The following RGS9 variants were observed in gnomAD, a reference collection of about 807,000 sequenced individuals.
The protein encoded by RGS9 is regulator of G protein signaling 9.
A neutral mutation model predicts 102.0 loss-of-function variants in RGS9; 78 were observed. That is an observed-to-expected ratio of 0.76 (90% CI 0.64 to 0.92). The LOEUF is 0.92. Ranked by LOEUF, RGS9 falls within the 40% of genes least tolerant of loss-of-function variation. RGS9 has a pLI of 0.00. For missense variants in RGS9, 833 were observed against 866.1 expected (o/e 0.96, Z 0.48); for synonymous variants, 353 against 318.6 (o/e 1.11, Z -1.15).
intron 1 of RGS9, among the ~76,000 whole-genome samples, chr17:65,148,538 G>T (rs2143963881): frequency 6.6e-6 from 1 of 152,268 alleles, no homozygotes; most frequent in South Asian, 2.1e-4. Context: ...TACCAACAGT[G>T]CACAGGGTTC....
rs1912964523 is a variant in RGS9, at chr17:65,204,292, C to T, written c.1194C>T (p.Leu398=). Residue 398 remains leucine, a synonymous_variant, in exon 15 of 19, where the codon CTC becomes CTT. Transcript: ENST00000262406. ...CCGCACAAACCCACATTTACATGCT[C>T]ATGAAGAAGGTAGGTGGGTCCGTGC... ...LDAAQTHIYM[L]MKKDSYARYL... 1 of 1,613,740 alleles carries T rather than the reference C, an allele frequency of 6.2e-7. No individual in the cohort carries two copies. The highest frequency in any genetic ancestry group is 1.7e-5 in the Admixed American group (1 of 60,008).
intron 16 of RGS9, among the ~76,000 whole-genome samples, chr17:65,208,699 T>C (rs1042959070): frequency 6.6e-6 from 1 of 152,200 alleles, no homozygotes; most frequent in Non-Finnish European, 1.5e-5. Flanking sequence ...CAGAGGTTTT[T>C]CCACTGGCAA....
chr17:65,225,275 C>A lies in RGS9; in HGVS notation c.1681C>A (p.Leu561Ile). 6.2e-7 allele frequency: 1 copy of A among 1,608,938 alleles called. No individual in the cohort carries two copies. Among genetic ancestry groups the A allele is most frequent in the Non-Finnish European group, 8.5e-7 (1 of 1,179,960 alleles). ...PSVTESSEAS[L>I]DTSWPRSRPR... is the part of the protein sequence containing the mutation. ...TGTCACCGAGAGCAGCGAGGCCTCC[C>A]TCGACACCTCCTGGCCTCGCAGCCG... is the stretch of plus-strand genomic sequence containing the variant. The change falls in exon 18 of 19, where the codon CTC becomes ATC. Residue 561 changes from leucine (L) to isoleucine (I), a missense_variant. Leu to Ile is a conservative substitution (Grantham distance 5). Around this residue, in one of 3 missense-constraint regions of RGS9, gnomAD observed 320 missense variants for 276.8 expected, o/e 1.16. Coordinates refer to ENST00000262406, the MANE Select transcript of RGS9 (RefSeq NM_003835.4).
intron 11 of RGS9, 90 bp downstream of exon 11, chr17:65,190,326 C>G: frequency 3.0e-6 from 3 of 1,009,594 alleles, no homozygotes; most frequent in Non-Finnish European, 4.8e-6. Context: ...CCTGGGCTGA[C>G]AGACTGAAGA....
chr17:65,160,505 TA>T lies in RGS9; in HGVS notation c.313-28del, dbSNP rs202019628. 1.1e-3 allele frequency: 1,726 copies of T among 1,614,118 alleles called. 15 individuals carry two copies. The African/African-American group carries it at 0.02, about 18-fold the overall frequency. On this transcript the variant is annotated intron_variant, in intron 4 of 18. Transcript: ENST00000262406. ...GGTCCATTGAGTCACAATCCAGTTTTAAAGCGTGGTTTCCCTGGTTTCTTTT... is the reference window on the plus strand; with the variant it reads ...GGTCCATTGAGTCACAATCCAGTTTTAAGCGTGGTTTCCCTGGTTTCTTTT...
chr17:65,201,400 C>T (rs73994749), intron 13 of RGS9, among the ~76,000 whole-genome samples: 10 of 152,146 alleles, frequency 6.6e-5, no homozygotes, highest in South Asian at 2.1e-4. Flanking sequence ...CTGTAAGAAC[C>T]GTTGGCCTGG....
chr17:65,166,256 C>T (rs1474551340), intron 7 of RGS9, among the ~76,000 whole-genome samples: 1 of 152,206 alleles, frequency 6.6e-6, no homozygotes, highest in Non-Finnish European at 1.5e-5. Context: ...AAAATCCCAT[C>T]TAGCTTCAAG....
intron 9 of RGS9, among the ~76,000 whole-genome samples, chr17:65,184,881 C>CT (rs1912049777): frequency 6.8e-6 from 1 of 147,454 alleles, no homozygotes; most frequent in South Asian, 2.1e-4. Context: ...CTCTCTCTTT[C>CT]TTTTTTGAGA....
chr17:65,204,505 G>A (rs1912973834), intron 15 of RGS9, among the ~76,000 whole-genome samples: 1 of 152,140 alleles, frequency 6.6e-6, no homozygotes, highest in Admixed American at 6.5e-5. Context: ...GAGCCCAGAA[G>A]TTTGAGACCA....
intron 9 of RGS9, among the ~76,000 whole-genome samples, chr17:65,178,480 C>CTATT (rs146258319): frequency 0.049 from 7,427 of 150,354 alleles, 507 homozygotes; most frequent in African/African-American, 0.15. Context: ...TTTTTTTTTC[C>CTATT]TATTTATTTA....
intron 7 of RGS9, among the ~76,000 whole-genome samples, chr17:65,164,447 C>CATCT (rs1911098908): frequency 6.6e-6 from 1 of 152,118 alleles, no homozygotes; most frequent in East Asian, 1.9e-4. Flanking sequence ...TCTGGTGACC[C>CATCT]GCACCAGTGA....
Position 65,163,001 on chromosome 17 carries a change from TTTC to T in RGS9, c.424-6_424-4del, listed in dbSNP as rs2144000798. ...TGGGGCTTTCTGTTCTCATTTTGTTTTTCTTCTTTAGGAAAATTACAATTTCTT... is the reference window on the plus strand; with the variant it reads ...TGGGGCTTTCTGTTCTCATTTTGTTTTTCTTTAGGAAAATTACAATTTCTT... On this transcript the variant is annotated splice_polypyrimidine_tract_variant and intron_variant, in intron 6 of 18. Transcript: ENST00000262406. 1 of 1,462,066 alleles carries T rather than the reference TTTC, an allele frequency of 6.8e-7. No individual in the cohort carries two copies. Among genetic ancestry groups the T allele is most frequent in the East Asian group, 2.3e-5 (1 of 43,650 alleles). 90.6% of individuals were successfully genotyped at this position (1,462,066 alleles called of 1,614,324 possible).
Position 65,210,528 on chromosome 17 carries a change from C to G in RGS9, c.1330C>G (p.Pro444Ala). Residue 444 changes from proline (P) to alanine (A), a missense_variant, in exon 17 of 19, where the codon CCA becomes GCA. By Grantham distance (27) the Pro-to-Ala change is conservative. Coordinates refer to ENST00000262406, the MANE Select transcript of RGS9 (RefSeq NM_003835.4). ...TATGCGGCGTCACCTGCGCTCCAGC[C>G]CAAGCCCTGTCATCCTGAGACAGCT... ...PFMRRHLRSS[P>A]SPVILRQLEE... The G allele has an allele frequency of 6.2e-7, 1 of 1,613,984 alleles. No individual in the cohort carries two copies. Among genetic ancestry groups the G allele is most frequent in the Non-Finnish European group, 8.5e-7 (1 of 1,180,032 alleles).
At chr17:65,151,061 C>T (rs987464529) in intron 1 of RGS9, among the ~76,000 whole-genome samples, 2 of 152,152 alleles carry the variant, frequency 1.3e-5, no homozygotes, top group Non-Finnish European at 2.9e-5. Context: ...AAAAATCCTT[C>T]ACGCCAGGTG....
intron 1 of RGS9, among the ~76,000 whole-genome samples, chr17:65,139,311 C>CTCCCCTCCTCCATG (rs1910062080): frequency 2.0e-5 from 3 of 150,610 alleles, no homozygotes; most frequent in Non-Finnish European, 4.4e-5. Context: ...CTTTCCTACA[C>CTCCCCTCCTCCATG]ACACTGTTTT....
At chr17:65,171,452 C>A (rs79964489) in intron 8 of RGS9, among the ~76,000 whole-genome samples, 1 of 152,266 alleles carries the variant, frequency 6.6e-6, no homozygotes, top group East Asian at 1.9e-4. Context: ...TGGTAAAGCC[C>A]GATATTCTGC....
intron 8 of RGS9, among the ~76,000 whole-genome samples, chr17:65,176,166 A>G (rs553870743): frequency 2.0e-5 from 3 of 152,308 alleles, no homozygotes; most frequent in African/African-American, 7.2e-5. Context: ...AAAGACCCAA[A>G]TTATTGGTCT....
intron 8 of RGS9, among the ~76,000 whole-genome samples, chr17:65,172,029 G>A (rs1195358650): frequency 6.6e-6 from 1 of 152,180 alleles, no homozygotes; most frequent in Non-Finnish European, 1.5e-5. Flanking sequence ...GCAGACACTT[G>A]CCAGAGATGT....
intron 8 of RGS9, among the ~76,000 whole-genome samples, chr17:65,169,254 A>G (rs375219266): frequency 6.6e-6 from 1 of 152,158 alleles, no homozygotes; most frequent in Non-Finnish European, 1.5e-5. Flanking sequence ...CTGTAGCGGC[A>G]TGGGTTTGGA....
Sources: gnomAD v4.1 joint callset for allele counts (sites outside exome capture counted in the v4.1 genomes callset) on GRCh38, gnomAD v4.1.1 for gene constraint, gnomAD v4.1.1 regional missense constraint, MANE v1.5 for transcripts, NCBI Gene and HGNC (gene_info 2026-07-23, HGNC 2026-07-21) for gene names.